LHPP: variants seen among roughly 807,000 people sequenced by gnomAD.
The protein encoded by LHPP is hLHPP.
Under a neutral mutation model 30.3 loss-of-function variants are expected in LHPP, and 24 were observed. The ratio of observed to expected loss-of-function variants is 0.79; its 90% CI spans 0.57 to 1.11. The LOEUF is 1.11. LHPP is among the 50% of genes most tolerant of loss of function. LHPP has a pLI of 0.00. For synonymous variants in LHPP, 150 were observed against 157.1 expected (o/e 0.95, Z 0.34); for missense variants, 356 against 367.2 (o/e 0.97, Z 0.25).
Position 124,501,664 on chromosome 10 carries a change from G to A in LHPP, c.624+3536G>A, listed in dbSNP as rs559092697. ...TGGACAGTGATGATGGTGGCACGACGTTCTGAATGTGCTCGATGCCAGTGA... is the reference window on the plus strand; with the variant it reads ...TGGACAGTGATGATGGTGGCACGACATTCTGAATGTGCTCGATGCCAGTGA... On this transcript the variant is annotated intron_variant, in intron 5 of 6. Transcript: ENST00000368842. Among the ~76,000 whole-genome samples the A allele has an allele frequency of 7.3e-5, 11 of 151,080 alleles. No homozygotes were observed. The South Asian group carries it at 2.1e-3, about 29-fold the overall frequency.
At chr10:124,481,913 C>G (rs1291311410) in intron 1 of LHPP, among the ~76,000 whole-genome samples, 1 of 152,226 alleles carries the variant, frequency 6.6e-6, no homozygotes, top group Non-Finnish European at 1.5e-5. Flanking sequence ...AGACCCCACA[C>G]TGGGCTGTGT....
intron 5 of LHPP, among the ~76,000 whole-genome samples, chr10:124,505,475 C>T (rs11245246): frequency 0.018 from 2,694 of 152,228 alleles, 67 homozygotes; most frequent in East Asian, 0.11. Flanking sequence ...TCAGTCTGCA[C>T]TCAGAATAGA....
chr10:124,597,433 C>T (rs1948960489), intron 6 of LHPP, among the ~76,000 whole-genome samples: 1 of 152,222 alleles, frequency 6.6e-6, no homozygotes, highest in African/African-American at 2.4e-5. Context: ...TAGCAAGTCC[C>T]CATCAGTGTC....
At chr10:124,532,076 G>A (rs966249856) in intron 6 of LHPP, among the ~76,000 whole-genome samples, 1 of 152,198 alleles carries the variant, frequency 6.6e-6, no homozygotes, top group Non-Finnish European at 1.5e-5. Context: ...GATGGTCCCC[G>A]ACGCAGGCAC....
intron 6 of LHPP, among the ~76,000 whole-genome samples, chr10:124,586,870 C>T (rs1948811112): frequency 6.6e-6 from 1 of 152,052 alleles, no homozygotes. Context: ...ATTGCCTTGC[C>T]ATGGACCTGT....
At chr10:124,610,902 A>C (rs865818181) in intron 6 of LHPP, among the ~76,000 whole-genome samples, 7 of 51,566 alleles carry the variant, frequency 1.4e-4, no homozygotes, top group Admixed American at 2.2e-4. Flanking sequence ...GGTGAGGGTG[A>C]GGGTGAGGGT....
At chr10:124,594,152 A>C (rs1019876813) in intron 6 of LHPP, among the ~76,000 whole-genome samples, 2 of 151,902 alleles carry the variant, frequency 1.3e-5, no homozygotes, top group Non-Finnish European at 2.9e-5. Context: ...ACATGGGGAA[A>C]CCCTGTCTCT....
At chr10:124,550,302 G>T (rs1244837599) in intron 6 of LHPP, among the ~76,000 whole-genome samples, 1 of 152,230 alleles carries the variant, frequency 6.6e-6, no homozygotes, top group Non-Finnish European at 1.5e-5. Flanking sequence ...CCCCCGTCTT[G>T]GTTGTTGAGC....
Position 124,524,000 on chromosome 10 carries a change from C to T in LHPP, c.716+6729C>T, listed in dbSNP as rs564381208. Among the ~76,000 whole-genome samples the T allele has an allele frequency of 3.3e-5, 5 of 152,334 alleles. No individual in the cohort carries two copies. In the East Asian group the frequency reaches 9.6e-4, roughly 29 times the overall value. ...GTCATTTAGCTCACCTGAGGTCACA[C>T]GGAGTGGGACCCACCCCAATTTAAG... On this transcript the variant is annotated intron_variant, in intron 6 of 6. Coordinates refer to ENST00000368842, the MANE Select transcript of LHPP (RefSeq NM_022126.4). The surrounding 1 kb of genome is among the most constrained non-coding windows in gnomAD (Gnocchi z 4.2).
intron 6 of LHPP, among the ~76,000 whole-genome samples, chr10:124,577,684 A>ACATGTGTAAATACACATGCATGCACC: frequency 6.6e-6 from 1 of 152,078 alleles, no homozygotes; most frequent in African/African-American, 2.4e-5. Context: ...ATACATGCAC[A>ACATGTGTAAATACACATGCATGCACC]CATGTGTAAA....
At chr10:124,522,208 C>G (rs1349934256) in intron 6 of LHPP, among the ~76,000 whole-genome samples, 2 of 152,146 alleles carry the variant, frequency 1.3e-5, no homozygotes, top group Non-Finnish European at 2.9e-5. Flanking sequence ...CATACCTGCT[C>G]CCTGTGGAAA....
At chr10:124,603,920 C>A (rs1053459581) in intron 6 of LHPP, among the ~76,000 whole-genome samples, 1 of 152,186 alleles carries the variant, frequency 6.6e-6, no homozygotes, top group Non-Finnish European at 1.5e-5. Context: ...GCCTGTGTCC[C>A]CCAGGCAGCT....
chr10:124,475,030 C>CTTTTTTTTT (rs57739169), intron 1 of LHPP, among the ~76,000 whole-genome samples: 1,088 of 98,640 alleles, frequency 0.011, 82 homozygotes, highest in African/African-American at 0.038. Context: ...CTTCTCATGT[C>CTTTTTTTTT]TTTTTTTTTT....
chr10:124,466,991 G>A (rs1952568803), intron 1 of LHPP, among the ~76,000 whole-genome samples: 1 of 151,732 alleles, frequency 6.6e-6, no homozygotes, highest in African/African-American at 2.4e-5. Context: ...GGGCATGGTG[G>A]TGCACGCCTG....
In LHPP at chr10:124,541,395, A is replaced by G. The variant is rs1254573284; in HGVS notation, c.716+24124A>G. On this transcript the variant is annotated intron_variant, in intron 6 of 6. Coordinates refer to ENST00000368842, the MANE Select transcript of LHPP (RefSeq NM_022126.4). The surrounding 1 kb of genome is among the most constrained non-coding windows in gnomAD (Gnocchi z 4.2). ...AAGGAGCTCTCTGCCTTGCAAGAAC[A>G]TTGCCTGTGGCTCAAAATGGCCACA... 6.6e-6 allele frequency among the ~76,000 whole-genome samples: 1 copy of G among 152,190 alleles called. No homozygotes were observed. The highest frequency in any genetic ancestry group is 1.9e-4 in the East Asian group (1 of 5,198).
intron 6 of LHPP, among the ~76,000 whole-genome samples, chr10:124,572,176 A>C (rs1948593105): frequency 6.6e-6 from 1 of 152,198 alleles, no homozygotes; most frequent in African/African-American, 2.4e-5. Flanking sequence ...GAGAGCAATG[A>C]CCTGCCTTCA....
Position 124,593,044 on chromosome 10 carries a change from C to T in LHPP, c.717-20220C>T, listed in dbSNP as rs967462540. On this transcript the variant is annotated intron_variant, in intron 6 of 6. Coordinates refer to ENST00000368842, the MANE Select transcript of LHPP (RefSeq NM_022126.4). This position sits in a 1 kb window ranked among gnomAD's most constrained non-coding sequence, Gnocchi z 4.9. ...GGCCTCAGTCGGCGTTTCGGGGAACCGGGTACAAGTTGCTAGGGAAATACA... is the reference window on the plus strand; with the variant it reads ...GGCCTCAGTCGGCGTTTCGGGGAACTGGGTACAAGTTGCTAGGGAAATACA... 2.6e-5 allele frequency among the ~76,000 whole-genome samples: 4 copies of T among 152,168 alleles called. No homozygotes were observed. The highest frequency in any genetic ancestry group is 6.5e-5 in the Admixed American group (1 of 15,280).
At chr10:124,506,925 CAGGATTTCAGGTGGGGGGGTAGGG>C (rs1589807649) in intron 5 of LHPP, among the ~76,000 whole-genome samples, 1 of 12,476 alleles carries the variant, frequency 8.0e-5, no homozygotes, top group African/African-American at 4.1e-4. Flanking sequence ...GGGGGGTAGA[CAGGATTTCAGGTGGGGGGGTAGGG>C]AGGATTTCAG....
chr10:124,590,225 G>A lies in LHPP; in HGVS notation c.717-23039G>A, dbSNP rs1564843938. 1.3e-5 allele frequency among the ~76,000 whole-genome samples: 2 copies of A among 152,086 alleles called. No individual in the cohort carries two copies. Among genetic ancestry groups the A allele is most frequent in the Non-Finnish European group, 2.9e-5 (2 of 68,008 alleles). The stretch of plus-strand genomic sequence containing the variant: ...AGAACATGGTGTGTGAGCATTATTG[G>A]GGGTGGGGTGCGGAGCAGGCACTGG... On this transcript the variant is annotated intron_variant, in intron 6 of 6. Coordinates refer to ENST00000368842, the MANE Select transcript of LHPP (RefSeq NM_022126.4). The surrounding 1 kb of genome is among the most constrained non-coding windows in gnomAD (Gnocchi z 4.3).
Sources: allele counts gnomAD v4.1 joint callset (sites outside exome capture counted in the v4.1 genomes callset), GRCh38; gene constraint gnomAD v4.1.1; non-coding constraint Gnocchi (gnomAD v3.1); transcripts MANE v1.5; gene names NCBI Gene and HGNC (gene_info 2026-07-23, HGNC 2026-07-21).